Variants in ORC3 observed in about 807,000 individuals in gnomAD.
The protein encoded by ORC3 is homolog of latheo, Drosophila.
In ORC3, 78 loss-of-function variants were observed where a neutral mutation model predicts 100.7. The observed-to-expected ratio is 0.77, with a 90% CI of 0.65 to 0.94. The LOEUF (loss-of-function observed/expected upper bound fraction) is 0.94, where lower values mean the gene tolerates loss of function less well. Among genes scored for constraint, ORC3 ranks in the 40% least tolerant of loss-of-function variants. ORC3 has a pLI of 0.00. For synonymous variants in ORC3, 295 were observed against 289.3 expected, an observed-to-expected ratio of 1.02 and a Z score of -0.20; for missense variants, 789 against 823.9, an observed-to-expected ratio of 0.96 and a Z score of 0.52.
chr6:87,646,125 TA>T (rs1378969163), intron 13 of ORC3, among the ~76,000 whole-genome samples: 2 of 151,794 alleles, frequency 1.3e-5, no homozygotes, highest in East Asian at 3.9e-4. Flanking sequence ...TAGCCGGGAC[TA>T]CAGGCGCCTG....
chr6:87,676,596 AACAC>A, the ORC3 span, among the ~76,000 whole-genome samples: 41,076 of 141,796 alleles, frequency 0.29, 6,125 homozygotes, highest in East Asian at 0.34. Context: ...CTCTACTAAA[AACAC>A]ACACACACAC....
At chr6:87,676,459 A>AC in the ORC3 span, among the ~76,000 whole-genome samples, 6 of 120,816 alleles carry the variant, frequency 5.0e-5, no homozygotes, top group Non-Finnish European at 1.1e-4. Flanking sequence ...AAAAAAAAAA[A>AC]AAAAAAAAAA....
chr6:87,654,643 T>C (rs978472250), intron 14 of ORC3, among the ~76,000 whole-genome samples: 2 of 152,212 alleles, frequency 1.3e-5, no homozygotes, highest in African/African-American at 4.8e-5. Flanking sequence ...CTAATAGTGA[T>C]CACTGGATCA....
chr6:87,669,282 G>T (rs1009483623), downstream of ORC3, among the ~76,000 whole-genome samples: 1 of 152,232 alleles, frequency 6.6e-6, no homozygotes, highest in East Asian at 1.9e-4. Context: ...AGAGCAGAAA[G>T]CACCTAGCCC....
At chr6:87,615,383 C>G (rs1779088103) in intron 8 of ORC3, among the ~76,000 whole-genome samples, 1 of 152,176 alleles carries the variant, frequency 6.6e-6, no homozygotes, top group Non-Finnish European at 1.5e-5. Context: ...GACTCACCTC[C>G]TTTAAGATGT....
chr6:87,650,859 T>C (rs1769203917), intron 13 of ORC3: 1 of 251,150 alleles, frequency 4.0e-6, no homozygotes, highest in Non-Finnish European at 8.1e-6. Flanking sequence ...AATACAAAAT[T>C]AGCCGGGCAT....
Position 87,607,848 on chromosome 6 carries a change from T to G in ORC3, c.579+24T>G, listed in dbSNP as rs769970983. 2.2e-5 allele frequency: 34 copies of G among 1,564,230 alleles called. No homozygotes were observed. In the East Asian group the frequency reaches 7.4e-4, roughly 34 times the overall value. On this transcript the variant is annotated intron_variant, in intron 6 of 19. Coordinates refer to ENST00000392844, the MANE Select transcript of ORC3 (RefSeq NM_012381.4). Reference sequence around the variant, plus strand: ...AGGTAGATATAAACTGATGATTTTCTCCCAGGAAATTGACGTATGATTGAT... The same window carrying G: ...AGGTAGATATAAACTGATGATTTTCGCCCAGGAAATTGACGTATGATTGAT...
intron 9 of ORC3, among the ~76,000 whole-genome samples, chr6:87,617,837 T>C (rs1583053107): frequency 6.6e-6 from 1 of 152,336 alleles, no homozygotes; most frequent in Non-Finnish European, 1.5e-5. Context: ...TGTAGTGCCT[T>C]GAAGATTATA....
chr6:87,611,136 C>T (rs1037712154), intron 7 of ORC3, among the ~76,000 whole-genome samples: 1 of 151,548 alleles, frequency 6.6e-6, no homozygotes, highest in Non-Finnish European at 1.5e-5. Flanking sequence ...GGGGTTTTGC[C>T]GTGTTGCCCA....
chr6:87,654,373 C>A (rs986301629), intron 14 of ORC3, among the ~76,000 whole-genome samples: 3 of 152,212 alleles, frequency 2.0e-5, no homozygotes, highest in Non-Finnish European at 4.4e-5. Flanking sequence ...GATTTTCTTT[C>A]AGGTTATGTG....
chr6:87,660,831 C>G (rs1282013442), intron 16 of ORC3, among the ~76,000 whole-genome samples: 1 of 152,198 alleles, frequency 6.6e-6, no homozygotes, highest in Non-Finnish European at 1.5e-5. Context: ...CTTCTTCTCA[C>G]ATAAATAAGT....
intron 13 of ORC3, chr6:87,651,303 C>T (rs1172870144): frequency 2.2e-6 from 1 of 456,120 alleles, no homozygotes; most frequent in Non-Finnish European, 4.4e-6. Flanking sequence ...CCAGCAGAAC[C>T]TCACCCGTCT....
At chr6:87,667,498 C>A (rs1037018222), downstream of ORC3, 3 of 164,490 alleles carry the variant, frequency 1.8e-5, no homozygotes, top group African/African-American at 7.2e-5. Context: ...CTCCCAATTC[C>A]CTGCATTGGC....
chr6:87,617,191 A>G (rs1197627639), intron 9 of ORC3, among the ~76,000 whole-genome samples: 1 of 152,000 alleles, frequency 6.6e-6, no homozygotes, highest in Non-Finnish European at 1.5e-5. Context: ...AAAGGTTTTT[A>G]GTTTCTGGAC....
At chr6:87,675,992 T>C in the ORC3 span, 2 of 1,404,340 alleles carry the variant, frequency 1.4e-6, no homozygotes, top group East Asian at 4.6e-5. Flanking sequence ...CCAGATAAAC[T>C]GAAAACACAA....
chr6:87,631,764 T>C (rs1244815704), intron 11 of ORC3, among the ~76,000 whole-genome samples: 1 of 152,136 alleles, frequency 6.6e-6, no homozygotes, highest in Non-Finnish European at 1.5e-5. Flanking sequence ...AGTGCTGGGA[T>C]TACAGGCGTG....
intron 13 of ORC3, among the ~76,000 whole-genome samples, chr6:87,638,555 G>GA (rs1449091373): frequency 6.6e-6 from 1 of 151,968 alleles, no homozygotes; most frequent in Non-Finnish European, 1.5e-5. Flanking sequence ...TATTTTTCAA[G>GA]AAAAAATGCT....
At position 87,603,782 on chromosome 6, in the gene ORC3, G is replaced by A. The variant is rs1037731377; in HGVS notation, c.322+254G>A. On this transcript the variant is annotated intron_variant, in intron 4 of 19. Transcript: ENST00000392844. Reference sequence around the variant, plus strand: ...CTAATGTTCTCCCCAACTTTTGGTCGGAAGGGAAAATATATTTGTTTTACT... The same window carrying A: ...CTAATGTTCTCCCCAACTTTTGGTCAGAAGGGAAAATATATTTGTTTTACT... Among the ~76,000 whole-genome samples the A allele has an allele frequency of 5.3e-5, 8 of 152,180 alleles. No individual in the cohort carries two copies. In the East Asian group the frequency reaches 5.8e-4, roughly 11 times the overall value.
intron 11 of ORC3, among the ~76,000 whole-genome samples, chr6:87,627,656 C>T (rs770562290): frequency 6.6e-5 from 10 of 151,362 alleles, no homozygotes; most frequent in Admixed American, 1.3e-4. Flanking sequence ...TTATAATATA[C>T]AATCTATATG....
Sources: gnomAD v4.1 joint callset for allele counts (sites outside exome capture counted in the v4.1 genomes callset) on GRCh38, gnomAD v4.1.1 for gene constraint, MANE v1.5 for transcripts, NCBI Gene and HGNC (gene_info 2026-07-23, HGNC 2026-07-21) for gene names.